Variants in ABCA13 observed in about 807,000 individuals in gnomAD.
ABCA13 encodes ATP-binding cassette sub-family A member 13.
Under a neutral mutation model 478.7 loss-of-function variants are expected in ABCA13, and 476 were observed. The observed-to-expected ratio is 0.99, with a 90% confidence interval of 0.92 to 1.07. The LOEUF is 1.07. ABCA13 is among the 50% of genes least tolerant of loss of function. The pLI, the probability that ABCA13 is intolerant of heterozygous loss-of-function variation, is 0.00. For synonymous variants in ABCA13, 2,252 were observed against 2,158.9 expected, an observed-to-expected ratio of 1.04 and a Z score of -1.20; for missense variants, 6,060 against 5,910.6, an observed-to-expected ratio of 1.03 and a Z score of -0.83.
At chr7:48,446,226 A>G (rs1408396954) in intron 42 of ABCA13, among the ~76,000 whole-genome samples, 2 of 152,180 alleles carry the variant, frequency 1.3e-5, no homozygotes, top group Non-Finnish European at 2.9e-5. Context: ...GGAGCACCCC[A>G]AGTTCCTTGA....
At chr7:48,491,392 A>G (rs2130708466) in intron 48 of ABCA13, among the ~76,000 whole-genome samples, 1 of 152,300 alleles carries the variant, frequency 6.6e-6, no homozygotes, top group African/African-American at 2.4e-5. Flanking sequence ...CCCTTGAGGT[A>G]AGAAGATCTT....
intron 59 of ABCA13, among the ~76,000 whole-genome samples, chr7:48,619,284 C>T (rs1324977412): frequency 1.3e-5 from 2 of 151,808 alleles, no homozygotes; most frequent in East Asian, 3.9e-4. Context: ...CTAAAGCTCT[C>T]TGTGACCGGT....
chr7:48,488,496 C>A (rs1297657384), intron 47 of ABCA13, among the ~76,000 whole-genome samples: 1 of 152,134 alleles, frequency 6.6e-6, no homozygotes, highest in African/African-American at 2.4e-5. Context: ...GTAATTCTAC[C>A]AAGCGGATTA....
rs780240950 is a variant in ABCA13, at chr7:48,372,516, A to G, written c.11133+19A>G. On this transcript the variant is annotated intron_variant, in intron 33 of 61. Coordinates refer to ENST00000435803, the MANE Select transcript of ABCA13 (RefSeq NM_152701.5). Reference sequence around the variant, plus strand: ...ATTTCTGGTAAGTAAGTTGTTTTGTAAAAAAAAAAAAAAAAAACAACAAAA... The same window carrying G: ...ATTTCTGGTAAGTAAGTTGTTTTGTGAAAAAAAAAAAAAAAAACAACAAAA... 15 of 166,354 alleles carry G rather than the reference A, an allele frequency of 9.0e-5. No homozygotes were observed. The highest frequency in any genetic ancestry group is 1.4e-4 in the Non-Finnish European group (15 of 110,106). 10.3% of individuals were successfully genotyped at this position (166,354 alleles called of 1,614,324 possible). A position where few individuals can be genotyped will look rare whatever the true frequency, so the allele number is the denominator to read the frequency against.
At chr7:48,327,081 G>A (rs1405150522) in intron 27 of ABCA13, among the ~76,000 whole-genome samples, 1 of 152,134 alleles carries the variant, frequency 6.6e-6, no homozygotes, top group Non-Finnish European at 1.5e-5. Context: ...TGTAAGGTTA[G>A]AGGAACCATC....
intron 41 of ABCA13, among the ~76,000 whole-genome samples, chr7:48,423,649 C>G (rs1201046388): frequency 1.3e-5 from 2 of 152,042 alleles, no homozygotes; most frequent in Non-Finnish European, 2.9e-5. Context: ...ATGTAGATCC[C>G]CAAATGAAGA....
intron 39 of ABCA13, among the ~76,000 whole-genome samples, chr7:48,407,049 G>A (rs906120836): frequency 6.6e-6 from 1 of 151,992 alleles, no homozygotes; most frequent in Admixed American, 6.6e-5. Context: ...TATTTTCCCA[G>A]CTTCATTAAA....
chr7:48,364,275 T>C (rs950624927), intron 31 of ABCA13, among the ~76,000 whole-genome samples: 5 of 152,032 alleles, frequency 3.3e-5, no homozygotes, highest in Non-Finnish European at 7.4e-5. Context: ...TCAATGTAAC[T>C]TTTTTTTGCT....
rs777550241 is a variant in ABCA13 at position 48,376,490 on chromosome 7, A to G, written c.11253A>G (p.Thr3751=). The change falls in exon 35 of 62, where the codon ACA becomes ACG. Residue 3751 remains threonine, a synonymous_variant. Coordinates refer to ENST00000435803, the MANE Select transcript of ABCA13 (RefSeq NM_152701.5). ...AGGCTCTGGAACAAGGGGGCATGAC[A>G]TTTGGCTGGGTTTGCTGGATGATTC... is the stretch of plus-strand genomic sequence containing the variant. The part of the protein sequence containing the change: ...MYQALEQGGM[T]FGWVCWMILF... The G allele has an allele frequency of 4.3e-6, 7 of 1,613,884 alleles. No individual in the cohort carries two copies. The highest frequency in any genetic ancestry group is 1.6e-4 in the Middle Eastern group (1 of 6,062).
chr7:48,505,355 A>G (rs1831109256), intron 48 of ABCA13, among the ~76,000 whole-genome samples: 1 of 152,202 alleles, frequency 6.6e-6, no homozygotes, highest in Non-Finnish European at 1.5e-5. Context: ...TTGTAGGCTT[A>G]CTTATACCCC....
At chr7:48,417,956 CTTCT>C (rs1384141109) in intron 41 of ABCA13, among the ~76,000 whole-genome samples, 2 of 152,146 alleles carry the variant, frequency 1.3e-5, no homozygotes, top group Admixed American at 1.3e-4. Flanking sequence ...TCCATTTTGG[CTTCT>C]TTATCTTAGT....
At chr7:48,277,537 G>A (rs539975181) in intron 17 of ABCA13, among the ~76,000 whole-genome samples, 2 of 152,276 alleles carry the variant, frequency 1.3e-5, no homozygotes, top group East Asian at 1.9e-4. Flanking sequence ...GGGAGAAGAT[G>A]TACTTATATT....
intron 5 of ABCA13, among the ~76,000 whole-genome samples, chr7:48,226,737 T>G (rs2128981938): frequency 6.6e-6 from 1 of 152,260 alleles, no homozygotes; most frequent in African/African-American, 2.4e-5. Flanking sequence ...ACTTAGCCAT[T>G]CTTGGCATAT....
chr7:48,456,043 C>A (rs1825639045), intron 43 of ABCA13, among the ~76,000 whole-genome samples: 1 of 152,228 alleles, frequency 6.6e-6, no homozygotes, highest in Admixed American at 6.5e-5. Flanking sequence ...GTGATCCAGA[C>A]ATCATTACAT....
chr7:48,246,124 A>C, intron 13 of ABCA13, 94 bp downstream of exon 13: 2 of 1,390,878 alleles, frequency 1.4e-6, no homozygotes, highest in Non-Finnish European at 1.9e-6. Context: ...TTCGATGAGG[A>C]AAGTTTTGCC....
intron 27 of ABCA13, among the ~76,000 whole-genome samples, chr7:48,317,583 C>T (rs1168962334): frequency 6.6e-6 from 1 of 152,182 alleles, no homozygotes; most frequent in Non-Finnish European, 1.5e-5. Flanking sequence ...GACAGTGAGA[C>T]AGAGAGGAGG....
chr7:48,475,016 G>A (rs920403895), intron 45 of ABCA13, among the ~76,000 whole-genome samples: 3 of 152,212 alleles, frequency 2.0e-5, no homozygotes, highest in African/African-American at 7.2e-5. Context: ...TATTAAGCAG[G>A]TATCTTTGCC....
intron 55 of ABCA13, among the ~76,000 whole-genome samples, chr7:48,548,850 C>G (rs73694670): frequency 0.068 from 10,376 of 151,512 alleles, 584 homozygotes; most frequent in African/African-American, 0.12. Context: ...CTCCTTACAC[C>G]TGGGGAGCTC....
chr7:48,559,531 T>C (rs1262456218), intron 55 of ABCA13, among the ~76,000 whole-genome samples: 4 of 152,118 alleles, frequency 2.6e-5, no homozygotes, highest in African/African-American at 7.2e-5. Flanking sequence ...CACCCCACTA[T>C]GGCTGAGCTG....
Sources: gnomAD v4.1 joint callset for allele counts (sites outside exome capture counted in the v4.1 genomes callset) on GRCh38, gnomAD v4.1.1 for gene constraint, MANE v1.5 for transcripts, NCBI Gene and HGNC (gene_info 2026-07-23, HGNC 2026-07-21) for gene names.